Variants in SMAD9 observed in about 807,000 individuals in gnomAD.
SMAD9 encodes SMAD family member 9.
In SMAD9, 36 loss-of-function variants were observed where a neutral mutation model predicts 46.1. The observed-to-expected ratio is 0.78, with a 90% CI of 0.60 to 1.03. The LOEUF is 1.03. SMAD9 is among the 50% of genes least tolerant of loss of function. The probability of loss-of-function intolerance (pLI) is 0.00; values close to 1 mark genes in which losing one functional copy is unlikely to be tolerated. For synonymous variants in SMAD9, 245 were observed against 237.1 expected, an observed-to-expected ratio of 1.03 and a Z score of -0.31; for missense variants, 572 against 599.8, an observed-to-expected ratio of 0.95 and a Z score of 0.48.
chr13:36,897,052 TAAAACA>T (rs1331901255), intron 1 of SMAD9, among the ~76,000 whole-genome samples: 1 of 152,268 alleles, frequency 6.6e-6, no homozygotes, highest in East Asian at 1.9e-4. Flanking sequence ...AAGTAACTGC[TAAAACA>T]AAAACAAAAA....
In SMAD9 at chr13:36,871,529, T is replaced by A. The variant is rs1012438255; in HGVS notation, c.670+1129A>T. On this transcript the variant is annotated intron_variant, in intron 3 of 6. Transcript: ENST00000379826. ...CAAGACTCCGTCTCAAAATAAAAAATAAAAAATAAAAATAAATAAACGCCT... is the reference window on the plus strand; with the variant it reads ...CAAGACTCCGTCTCAAAATAAAAAAAAAAAAATAAAAATAAATAAACGCCT... Among the ~76,000 whole-genome samples the A allele has an allele frequency of 7.2e-3, 1,070 of 148,782 alleles. 14 individuals carry two copies. The highest frequency in any genetic ancestry group is 0.026 in the African/African-American group (1,018 of 38,720).
At chr13:36,875,115 T>G (rs1489357892) in intron 2 of SMAD9, among the ~76,000 whole-genome samples, 1 of 151,986 alleles carries the variant, frequency 6.6e-6, no homozygotes, top group Non-Finnish European at 1.5e-5. Flanking sequence ...ATAGGACAGA[T>G]CTTGGTTCTA....
chr13:36,897,654 A>C (rs1437856545), intron 1 of SMAD9, among the ~76,000 whole-genome samples: 1 of 152,212 alleles, frequency 6.6e-6, no homozygotes, highest in East Asian at 1.9e-4. Flanking sequence ...CTTTTCATAA[A>C]AACAAAATGT....
intron 1 of SMAD9, among the ~76,000 whole-genome samples, chr13:36,918,296 C>A (rs767521622): frequency 3.5e-4 from 53 of 152,186 alleles, no homozygotes; most frequent in Non-Finnish European, 6.5e-4. Flanking sequence ...GTAAACACTG[C>A]ACTGATAAAC....
chr13:36,851,191 G>A (rs973812565), intron 6 of SMAD9, among the ~76,000 whole-genome samples: 5 of 152,194 alleles, frequency 3.3e-5, no homozygotes, highest in Non-Finnish European at 7.3e-5. Context: ...CAGAGGTTCA[G>A]GAGGCCTTGC....
Position 36,879,717 on chromosome 13 carries a change from A to T in SMAD9, c.-28T>A. 6.2e-7 allele frequency: 1 copy of T among 1,612,520 alleles called. No individual in the cohort carries two copies. The highest frequency in any genetic ancestry group is 8.5e-7 in the Non-Finnish European group (1 of 1,180,008). On this transcript the variant is annotated 5_prime_UTR_variant, in exon 2 of 7. Transcript: ENST00000379826. ...GAGGCCACAGCAGGCTCCGGCGCGC[A>T]CGGGAACCGCACAGCCCTTCACGGC...
chr13:36,875,199 T>C (rs878970189), intron 2 of SMAD9, among the ~76,000 whole-genome samples: 1 of 152,004 alleles, frequency 6.6e-6, no homozygotes, highest in African/African-American at 2.4e-5. Flanking sequence ...CTAAAACTGC[T>C]CTAAAAAATA....
At position 36,919,414 on chromosome 13, in the gene SMAD9, A is replaced by G. The variant is rs539353912; in HGVS notation, c.-187+702T>C. Among the ~76,000 whole-genome samples the G allele has an allele frequency of 2.6e-5, 4 of 152,228 alleles. No homozygotes were observed. In the South Asian group the frequency reaches 8.3e-4, roughly 32 times the overall value. On this transcript the variant is annotated intron_variant, in intron 1 of 6. Coordinates refer to ENST00000379826, the MANE Select transcript of SMAD9 (RefSeq NM_001127217.3). The stretch of plus-strand genomic sequence containing the variant: ...AAAAGACAAACACCCCGGCTCCGAC[A>G]CAGTCCAAGCGCGAGCCCGGAGACA...
In SMAD9 at chr13:36,879,330, C is replaced by T. The variant is rs768971853; in HGVS notation, c.360G>A (p.Lys120=). Reference sequence around the variant, plus strand: ...AAGGGTTAATGCACACTTCTTTCTGCTTGGAGCCAAATGGGAACTCACAGC... The same window carrying T: ...AAGGGTTAATGCACACTTCTTTCTGTTTGGAGCCAAATGGGAACTCACAGC... ...LECCEFPFGS[K]QKEVCINPYH... Residue 120 remains lysine (K), a synonymous_variant, in exon 2 of 7, where the codon AAG becomes AAA. Transcript: ENST00000379826. The T allele has an allele frequency of 1.2e-6, 2 of 1,614,174 alleles. No homozygotes were observed. Among genetic ancestry groups the T allele is most frequent in the South Asian group, 2.2e-5 (2 of 91,082 alleles).
intron 1 of SMAD9, among the ~76,000 whole-genome samples, chr13:36,891,415 T>C (rs115965452): frequency 2.5e-4 from 38 of 152,152 alleles, no homozygotes; most frequent in African/African-American, 8.5e-4. Context: ...GCTTCAAATA[T>C]TCAGAGTCTT....
chr13:36,887,435 C>T (rs2058456185), intron 1 of SMAD9, among the ~76,000 whole-genome samples: 1 of 151,824 alleles, frequency 6.6e-6, no homozygotes, highest in Non-Finnish European at 1.5e-5. Flanking sequence ...GTTAGCTAGG[C>T]TGGTCTCGAA....
chr13:36,856,040 G>A (rs1357379937), intron 5 of SMAD9, among the ~76,000 whole-genome samples: 1 of 152,170 alleles, frequency 6.6e-6, no homozygotes, highest in Non-Finnish European at 1.5e-5. Context: ...CTAGGTGGTG[G>A]TGCCAGGGGG....
In SMAD9 at chr13:36,848,580, CAT is replaced by C. The variant is rs763993290; in HGVS notation, c.*94_*95del. On this transcript the variant is annotated 3_prime_UTR_variant, in exon 7 of 7. Transcript: ENST00000379826. ...ACAGTATACATTCTATGTATTTACACATGTTTTTAGAAACTTCAGTTGCAAAT... is the reference window on the plus strand; with the variant it reads ...ACAGTATACATTCTATGTATTTACACGTTTTTAGAAACTTCAGTTGCAAAT... The C allele has an allele frequency of 1.4e-3, 1,565 of 1,148,244 alleles. 4 individuals carry two copies. Among genetic ancestry groups the C allele is most frequent in the Non-Finnish European group, 1.8e-3 (1,337 of 756,202 alleles). 71.1% of individuals were successfully genotyped at this position (1,148,244 alleles called of 1,614,324 possible).
intron 6 of SMAD9, among the ~76,000 whole-genome samples, chr13:36,850,276 C>G (rs1006286993): frequency 6.6e-6 from 1 of 152,214 alleles, no homozygotes; most frequent in African/African-American, 2.4e-5. Context: ...TACTACCTCA[C>G]TGGTTGGTCT....
chr13:36,848,478 C>T lies in SMAD9; in HGVS notation c.*198G>A. 1 of 614,122 alleles carries T rather than the reference C, an allele frequency of 1.6e-6. No homozygotes were observed. 38.0% of individuals were successfully genotyped at this position (614,122 alleles called of 1,614,324 possible). A position where few individuals can be genotyped will look rare whatever the true frequency, so the allele number is the denominator to read the frequency against. ...TGCTTATAGCACAGGCACCAAAGTCCTGCTTTTCCAATTGCACTGTACTGG... is the reference window on the plus strand; with the variant it reads ...TGCTTATAGCACAGGCACCAAAGTCTTGCTTTTCCAATTGCACTGTACTGG... On this transcript the variant is annotated 3_prime_UTR_variant, in exon 7 of 7. Transcript: ENST00000379826.
At chr13:36,870,459 T>A (rs1015501581) in intron 3 of SMAD9, among the ~76,000 whole-genome samples, 1 of 152,122 alleles carries the variant, frequency 6.6e-6, no homozygotes, top group African/African-American at 2.4e-5. Context: ...CTACAGTAAG[T>A]CCTGTTGGAC....
At chr13:36,899,476 A>C (rs926028948) in intron 1 of SMAD9, among the ~76,000 whole-genome samples, 2 of 152,206 alleles carry the variant, frequency 1.3e-5, no homozygotes, top group African/African-American at 4.8e-5. Context: ...ATTGACTAGG[A>C]ATCAATAAAG....
At chr13:36,886,550 A>T (rs1394622313) in intron 1 of SMAD9, among the ~76,000 whole-genome samples, 1 of 152,260 alleles carries the variant, frequency 6.6e-6, no homozygotes, top group Non-Finnish European at 1.5e-5. Context: ...TCACTCATTC[A>T]CATATCTCAG....
intron 1 of SMAD9, among the ~76,000 whole-genome samples, chr13:36,881,601 C>T (rs1179325809): frequency 1.3e-5 from 2 of 152,204 alleles, no homozygotes; most frequent in African/African-American, 4.8e-5. Flanking sequence ...TGGGCTTTAT[C>T]TGGCATTGTA....
Sources: allele counts gnomAD v4.1 joint callset (sites outside exome capture counted in the v4.1 genomes callset), GRCh38; gene constraint gnomAD v4.1.1; transcripts MANE v1.5; gene names NCBI Gene and HGNC (gene_info 2026-07-23, HGNC 2026-07-21).